The following MED13 variants were observed in gnomAD, a reference collection of about 807,000 sequenced individuals.
MED13 encodes the protein mediator of RNA polymerase II transcription subunit 13.
In MED13, 23 loss-of-function variants were observed where a neutral mutation model predicts 225.2. That is an observed-to-expected ratio of 0.10 (90% CI 0.07 to 0.14). The LOEUF (loss-of-function observed/expected upper bound fraction) is 0.14, where lower values mean the gene tolerates loss of function less well. Among genes scored for constraint, MED13 ranks in the 10% least tolerant of loss-of-function variants. The pLI is 1.00. For synonymous variants in MED13, 942 were observed against 889.2 expected, an observed-to-expected ratio of 1.06 and a Z score of -1.06; for missense variants, 2,197 against 2,594.5, an observed-to-expected ratio of 0.85 and a Z score of 3.33.
chr17:61,984,524 A>G, intron 14 of MED13, 127 bp downstream of exon 14: 1 of 943,570 alleles, frequency 1.1e-6, no homozygotes, highest in Non-Finnish European at 1.5e-6. Flanking sequence ...TAGTGACAAC[A>G]ATAATTCAGT....
intron 28 of MED13, among the ~76,000 whole-genome samples, chr17:61,950,291 T>C (rs1002725679): frequency 6.7e-6 from 1 of 148,664 alleles, no homozygotes; most frequent in Non-Finnish European, 1.5e-5. Flanking sequence ...CCCAAGCATT[T>C]CGAATAAGGG....
intron 1 of MED13, among the ~76,000 whole-genome samples, chr17:62,064,751 T>C (rs961072378): frequency 2.6e-5 from 4 of 151,852 alleles, no homozygotes; most frequent in African/African-American, 4.8e-5. Flanking sequence ...GGGTAAGACA[T>C]AAAGGCGGTG....
rs1199177721 is a variant in MED13 at position 62,049,943 on chromosome 17, A to AAAAAAAAAG, written c.470+2593_470+2594insCTTTTTTTT. Among the ~76,000 whole-genome samples the AAAAAAAAAG allele has an allele frequency of 6.6e-5, 10 of 151,566 alleles. 1 individual carries two copies. The highest frequency in any genetic ancestry group is 2.4e-4 in the African/African-American group (10 of 41,096). On this transcript the variant is annotated intron_variant, in intron 3 of 29. Transcript: ENST00000397786. ...AGGCTCTGTCTCCAAAAAAAAAAAA[A>AAAAAAAAAG]GAATGAAATGAAATGTGTTTCAATA...
In MED13 at chr17:61,961,562, T is replaced by C. The variant is rs184997170; in HGVS notation, c.5256+26A>G. On this transcript the variant is annotated intron_variant, in intron 22 of 29. Coordinates refer to ENST00000397786, the MANE Select transcript of MED13 (RefSeq NM_005121.3). Reference sequence around the variant, plus strand: ...AAAAAGGTATGTATAGTCATTGAACTTCGGTCATGAAAAACATATACTTAC... The same window carrying C: ...AAAAAGGTATGTATAGTCATTGAACCTCGGTCATGAAAAACATATACTTAC... The C allele has an allele frequency of 6.4e-5, 96 of 1,492,668 alleles. 2 individuals carry two copies. The African/African-American group carries it at 1.0e-3, about 16-fold the overall frequency. The allele number at this position is 1,492,668 out of a possible 1,614,324, so 92.5% of individuals were successfully genotyped here.
At chr17:61,974,846 A>T (rs1472159031) in intron 16 of MED13, among the ~76,000 whole-genome samples, 1 of 152,200 alleles carries the variant, frequency 6.6e-6, no homozygotes, top group African/African-American at 2.4e-5. Flanking sequence ...AATAGGAGTA[A>T]ATTTTCAAGA....
At chr17:61,987,844 C>T (rs1034277027) in intron 11 of MED13, among the ~76,000 whole-genome samples, 5 of 151,894 alleles carry the variant, frequency 3.3e-5, no homozygotes, top group African/African-American at 1.2e-4. Context: ...CTTGACCTCT[C>T]GGGTTCAAGC....
At chr17:61,960,744 C>T in intron 23 of MED13, 123 bp downstream of exon 23, 1 of 602,766 alleles carries the variant, frequency 1.7e-6, no homozygotes. Context: ...TAAAAAGCAC[C>T]CACAACCCCA....
chr17:61,996,687 A>G (rs1296453959), intron 9 of MED13, among the ~76,000 whole-genome samples: 1 of 152,176 alleles, frequency 6.6e-6, no homozygotes, highest in Non-Finnish European at 1.5e-5. Flanking sequence ...TATTTTAAAT[A>G]GCAATATGCC....
intron 9 of MED13, chr17:62,006,599 A>T (rs920659685): frequency 6.7e-6 from 1 of 150,056 alleles, no homozygotes; most frequent in Non-Finnish European, 1.5e-5. Context: ...CAACATTTCC[A>T]ATCAGTCTAT....
In MED13 at chr17:61,962,880, G is replaced by A; in HGVS notation, c.4936C>T (p.Pro1646Ser). 6.2e-7 allele frequency: 1 copy of A among 1,614,008 alleles called. No homozygotes were observed. Among genetic ancestry groups the A allele is most frequent in the Non-Finnish European group, 8.5e-7 (1 of 1,179,974 alleles). ...TCGTCTGTATTTTCGTATGTAAAAGGATCAATTATATAAACAACAATTGCA... is the reference window on the plus strand; with the variant it reads ...TCGTCTGTATTTTCGTATGTAAAAGAATCAATTATATAAACAACAATTGCA... The part of the protein sequence containing the change: ...PPAIVVYIID[P>S]FTYENTDEST... Residue 1646 changes from proline (P) to serine (S), a missense_variant, in exon 21 of 30, where the codon CCT becomes TCT. Transcript: ENST00000397786.
intron 8 of MED13, among the ~76,000 whole-genome samples, chr17:62,026,405 A>C (rs2080702242): frequency 6.6e-6 from 1 of 151,730 alleles, no homozygotes; most frequent in African/African-American, 2.4e-5. Context: ...ATCTTATTTC[A>C]ACATTTCACC....
chr17:62,055,595 G>C (rs1334141614), intron 2 of MED13, among the ~76,000 whole-genome samples: 1 of 151,314 alleles, frequency 6.6e-6, no homozygotes, highest in Non-Finnish European at 1.5e-5. Context: ...GGTCGAGGCA[G>C]GTGGATCATC....
At chr17:62,014,965 G>A (rs1250481370) in intron 8 of MED13, among the ~76,000 whole-genome samples, 2 of 152,142 alleles carry the variant, frequency 1.3e-5, no homozygotes, top group Non-Finnish European at 2.9e-5. Context: ...AAATTACACT[G>A]AAAGAAGTAA....
At chr17:62,020,647 G>A (rs996675037) in intron 8 of MED13, among the ~76,000 whole-genome samples, 8 of 146,786 alleles carry the variant, frequency 5.5e-5, no homozygotes, top group Non-Finnish European at 1.1e-4. Flanking sequence ...CCAAAGTGCT[G>A]GGATTTCAGG....
chr17:62,022,178 T>A (rs60514378), intron 8 of MED13, among the ~76,000 whole-genome samples: 25,364 of 129,678 alleles, frequency 0.2, 2,790 homozygotes, highest in East Asian at 0.53. Flanking sequence ...AAAAAAAATA[T>A]ATATATATAT....
Position 61,955,788 on chromosome 17 carries a change from G to A in MED13, c.5674C>T (p.Leu1892Phe), listed in dbSNP as rs371645577. 3 of 1,590,712 alleles carry A rather than the reference G, an allele frequency of 1.9e-6. No homozygotes were observed. The African/African-American group carries it at 4.2e-5, about 22-fold the overall frequency. ...RRNLQSLSKR[L>F]KDMCRMCGIS... Reference sequence around the variant, plus strand: ...CCACACATTCTACACATGTCTTTGAGCCTTTTACTTAGAGACTGCAAGTTT... The same window carrying A: ...CCACACATTCTACACATGTCTTTGAACCTTTTACTTAGAGACTGCAAGTTT... The change falls in exon 25 of 30, where the codon CTC becomes TTC. Residue 1892 changes from leucine (L) to phenylalanine (F), a missense_variant. Leu to Phe is a conservative substitution (Grantham distance 22). Coordinates refer to ENST00000397786, the MANE Select transcript of MED13 (RefSeq NM_005121.3).
chr17:62,016,023 C>G (rs1304014324), intron 8 of MED13, among the ~76,000 whole-genome samples: 1 of 115,296 alleles, frequency 8.7e-6, no homozygotes, highest in Non-Finnish European at 1.7e-5. Flanking sequence ...AGGCTGGTCT[C>G]AAACTCCTGA....
intron 8 of MED13, among the ~76,000 whole-genome samples, chr17:62,019,728 A>G (rs796163416): frequency 9.9e-5 from 15 of 151,960 alleles, no homozygotes; most frequent in African/African-American, 3.6e-4. Context: ...TAGAGAGTAC[A>G]ATTGAATTTC....
intron 16 of MED13, among the ~76,000 whole-genome samples, chr17:61,981,501 A>T (rs537777145): frequency 3.1e-4 from 47 of 152,182 alleles, no homozygotes; most frequent in Admixed American, 6.5e-5. Context: ...TCTCCCTATC[A>T]CACAAAGCAT....
Sources: allele counts gnomAD v4.1 joint callset (sites outside exome capture counted in the v4.1 genomes callset), GRCh38; gene constraint gnomAD v4.1.1; transcripts MANE v1.5; gene names NCBI Gene and HGNC (gene_info 2026-07-23, HGNC 2026-07-21).